The following MYADM variants were observed in gnomAD, a reference collection of about 807,000 sequenced individuals.
MYADM encodes the protein myeloid-associated differentiation marker.
For missense variants in MYADM, 416 were observed against 443.4 expected (o/e 0.94, Z 0.56); for synonymous variants, 224 against 210.2 (o/e 1.07, Z -0.57).
Position 53,873,201 on chromosome 19 carries a change from C to T in MYADM, c.-2-327C>T, listed in dbSNP as rs952105303. ...CCTGGCTAACACAGTGAAACCCCGTCTCTACTAAAAATACAAAAAAATTAG... is the reference window on the plus strand; with the variant it reads ...CCTGGCTAACACAGTGAAACCCCGTTTCTACTAAAAATACAAAAAAATTAG... On this transcript the variant is annotated intron_variant, in intron 2 of 2. Transcript: ENST00000391770. This position sits in a 1 kb window ranked among gnomAD's most constrained non-coding sequence, Gnocchi z 4.3. 3.9e-5 allele frequency among the ~76,000 whole-genome samples: 6 copies of T among 152,096 alleles called. No homozygotes were observed. The highest frequency in any genetic ancestry group is 8.8e-5 in the Non-Finnish European group (6 of 68,022).
intron 1 of MYADM, chr19:53,869,289 C>G (rs1299672198): frequency 6.6e-6 from 1 of 152,390 alleles, no homozygotes; most frequent in East Asian, 1.9e-4. Context: ...TGCAGGCCTC[C>G]AACCCTGAGA....
At chr19:53,870,790 G>C (rs557941059) in intron 2 of MYADM, among the ~76,000 whole-genome samples, 8 of 152,182 alleles carry the variant, frequency 5.3e-5, no homozygotes, top group South Asian at 2.1e-4. Flanking sequence ...AAGAGGACGG[G>C]CACTTGATTC....
intron 2 of MYADM, among the ~76,000 whole-genome samples, chr19:53,872,482 A>C (rs371825407): frequency 6.6e-6 from 1 of 151,252 alleles, no homozygotes; most frequent in Admixed American, 6.6e-5. Flanking sequence ...AGTGTGAGCC[A>C]CCACACCCGG....
intron 2 of MYADM, among the ~76,000 whole-genome samples, chr19:53,871,243 CA>C (rs1454126118): frequency 6.6e-6 from 1 of 151,860 alleles, no homozygotes; most frequent in East Asian, 1.9e-4. Flanking sequence ...AAACAACAAC[CA>C]AAAAACAGGA....
chr19:53,871,596 C>G (rs1434823131), intron 2 of MYADM, among the ~76,000 whole-genome samples: 1 of 152,054 alleles, frequency 6.6e-6, no homozygotes, highest in African/African-American at 2.4e-5. Flanking sequence ...CGGCTGGGAT[C>G]TCTATGAGAA....
Position 53,874,777 on chromosome 19 carries a change from T to C in MYADM, c.*279T>C, listed in dbSNP as rs867970478. 8,978 of 166,050 alleles carry C rather than the reference T, an allele frequency of 0.054. 635 individuals are homozygous for C. The highest frequency in any genetic ancestry group is 0.095 in the Middle Eastern group (36 of 378). 10.3% of individuals were successfully genotyped at this position (166,050 alleles called of 1,614,324 possible). On this transcript the variant is annotated 3_prime_UTR_variant, in exon 3 of 3. Coordinates refer to ENST00000391770, the MANE Select transcript of MYADM (RefSeq NM_138373.5). ...CTGTTTCTCTTTTTCTTTTCTTTTT[T>C]TTTTTTTTTTTTTTTTAAGACGGAT... is the stretch of plus-strand genomic sequence containing the variant.
At chr19:53,867,841 G>T (rs573258643), upstream of MYADM, 14 of 68,292 alleles carry the variant, frequency 2.1e-4, no homozygotes, top group African/African-American at 6.4e-4. Flanking sequence ...CCCCCGTCCC[G>T]CCCGCGCTGG....
At position 53,867,891 on chromosome 19, in the gene MYADM, C is replaced by G. The variant is rs2068271004; in HGVS notation, c.-140C>G. 1 of 150,822 alleles carries G rather than the reference C, an allele frequency of 6.6e-6. No homozygotes were observed. Among genetic ancestry groups the G allele is most frequent in the South Asian group, 2.1e-4 (1 of 4,710 alleles). The allele number at this position is 150,822 out of a possible 1,614,324, so 9.3% of individuals were successfully genotyped here. ...AACCCCACCCAGCCCTCAGACCCTTCCAGCTGCCGCTGTCGTCTTTGCTTC... is the reference window on the plus strand; with the variant it reads ...AACCCCACCCAGCCCTCAGACCCTTGCAGCTGCCGCTGTCGTCTTTGCTTC... On this transcript the variant is annotated 5_prime_UTR_variant, in exon 1 of 3. Transcript: ENST00000391770.
chr19:53,869,299 A>T (rs1408862749), intron 1 of MYADM: 1 of 152,364 alleles, frequency 6.6e-6, no homozygotes, highest in Non-Finnish European at 1.5e-5. Flanking sequence ...CAACCCTGAG[A>T]GTCGGGGTCC....
chr19:53,874,106 G>T lies in MYADM; in HGVS notation c.577G>T (p.Asp193Tyr). The T allele has an allele frequency of 1.2e-6, 2 of 1,612,706 alleles. No individual in the cohort carries two copies. Among genetic ancestry groups the T allele is most frequent in the Non-Finnish European group, 1.7e-6 (2 of 1,180,028 alleles). Residue 193 changes from aspartate to tyrosine, a missense_variant, in exon 3 of 3, where the codon GAC becomes TAC. By Grantham distance (160) the Asp-to-Tyr change is radical (BLOSUM62 -3). Coordinates refer to ENST00000391770, the MANE Select transcript of MYADM (RefSeq NM_138373.5). ...VACIIFAFIS[D>Y]PNLYQHQPAL... ...CTGCATCATCTTCGCGTTCATCAGCGACCCCAACCTGTACCAGCACCAGCC... is the reference window on the plus strand; with the variant it reads ...CTGCATCATCTTCGCGTTCATCAGCTACCCCAACCTGTACCAGCACCAGCC...
At position 53,874,463 on chromosome 19, in the gene MYADM, G is replaced by T. The variant is rs762232997; in HGVS notation, c.934G>T (p.Val312Leu). ...CCTACTGGCGTATGTGGCTGACCTGGTGCACTCTGCCCACCTGGTTTTTGT... is the reference window on the plus strand; with the variant it reads ...CCTACTGGCGTATGTGGCTGACCTGTTGCACTCTGCCCACCTGGTTTTTGT... ...INLLAYVADL[V>L]HSAHLVFVKV Residue 312 changes from valine to leucine, a missense_variant, in exon 3 of 3, where the codon GTG becomes TTG. Val to Leu is a conservative substitution (Grantham distance 32). Transcript: ENST00000391770. 1.2e-6 allele frequency: 2 copies of T among 1,612,650 alleles called. No homozygotes were observed. The highest frequency in any genetic ancestry group is 8.5e-7 in the Non-Finnish European group (1 of 1,179,148).
chr19:53,874,579 C>T lies in MYADM; in HGVS notation c.*81C>T, dbSNP rs1213427104. On this transcript the variant is annotated 3_prime_UTR_variant, in exon 3 of 3. Coordinates refer to ENST00000391770, the MANE Select transcript of MYADM (RefSeq NM_138373.5). ...GTTTTCTTTATGGAGTACTTCTTTCCTCCGCCTTTCCTCTGTTTTCCTCTT... is the reference window on the plus strand; with the variant it reads ...GTTTTCTTTATGGAGTACTTCTTTCTTCCGCCTTTCCTCTGTTTTCCTCTT... 4.8e-6 allele frequency: 7 copies of T among 1,462,640 alleles called. No individual in the cohort carries two copies. The highest frequency in any genetic ancestry group is 4.9e-5 in the Admixed American group (2 of 41,084). The allele number at this position is 1,462,640 out of a possible 1,614,324, so 90.6% of individuals were successfully genotyped here. A position where few individuals can be genotyped will look rare whatever the true frequency, so the allele number is the denominator to read the frequency against.
intron 2 of MYADM, among the ~76,000 whole-genome samples, chr19:53,870,334 T>TG (rs1318446181): frequency 7.9e-5 from 5 of 63,678 alleles, no homozygotes; most frequent in East Asian, 4.3e-4. Flanking sequence ...GAGGAGGGGC[T>TG]GGGGTCTGGA....
upstream of MYADM, chr19:53,866,270 C>T (rs2068243667): frequency 6.6e-6 from 1 of 152,362 alleles, no homozygotes; most frequent in Non-Finnish European, 1.5e-5. The surrounding 1 kb of genome is among the most constrained non-coding windows in gnomAD (Gnocchi z 4.3). Context: ...TCAAAGCCTC[C>T]TCAGTTGTCG....
At chr19:53,867,665 A>G (rs1410359485), upstream of MYADM, among the ~76,000 whole-genome samples, 2 of 152,234 alleles carry the variant, frequency 1.3e-5, no homozygotes, top group East Asian at 1.9e-4. Context: ...CCGTGACCTC[A>G]GCCCTCCACC....
In MYADM at chr19:53,868,740, G is replaced by T. The variant is rs1023222217; in HGVS notation, c.-88+797G>T. On this transcript the variant is annotated intron_variant, in intron 1 of 2. Transcript: ENST00000391770. This position sits in a 1 kb window ranked among gnomAD's most constrained non-coding sequence, Gnocchi z 6.3. The stretch of plus-strand genomic sequence containing the variant: ...TGTGGCCCGGAGAGTCGGGTGCGCT[G>T]CGAGGAATCCCGGAGGGGTGTTTCC... Among the ~76,000 whole-genome samples the T allele has an allele frequency of 8.5e-5, 13 of 152,140 alleles. No individual in the cohort carries two copies. The highest frequency in any genetic ancestry group is 1.3e-4 in the Non-Finnish European group (9 of 68,012).
At chr19:53,866,228 C>T (rs2068243285), upstream of MYADM, 1 of 152,818 alleles carries the variant, frequency 6.5e-6, no homozygotes, top group Admixed American at 6.5e-5. The surrounding 1 kb of genome is among the most constrained non-coding windows in gnomAD (Gnocchi z 4.3). Flanking sequence ...GGCTTCCACT[C>T]CTGGACTCGG....
At chr19:53,870,621 T>G (rs2068364210) in intron 2 of MYADM, among the ~76,000 whole-genome samples, 1 of 152,146 alleles carries the variant, frequency 6.6e-6, no homozygotes, top group East Asian at 1.9e-4. Flanking sequence ...GTCCTGCGAC[T>G]GCCACGAAGA....
At chr19:53,866,973 C>A (rs982340618), upstream of MYADM, among the ~76,000 whole-genome samples, 22 of 152,260 alleles carry the variant, frequency 1.4e-4, no homozygotes, top group Middle Eastern at 6.8e-3. This position sits in a 1 kb window ranked among gnomAD's most constrained non-coding sequence, Gnocchi z 4.3. Flanking sequence ...CCTGATTGTT[C>A]TTTTGAGCCA....
Sources: gnomAD v4.1 joint callset for allele counts (sites outside exome capture counted in the v4.1 genomes callset) on GRCh38, gnomAD v4.1.1 for gene constraint, Gnocchi (gnomAD v3.1) non-coding constraint, MANE v1.5 for transcripts, NCBI Gene and HGNC (gene_info 2026-07-23, HGNC 2026-07-21) for gene names.